RGPD2: variants seen among roughly 807,000 people sequenced by gnomAD.
RGPD2 encodes the protein RANBP2-like and GRIP domain-containing protein 2.
A neutral mutation model predicts 36.0 loss-of-function variants in RGPD2; 2 were observed. The observed-to-expected ratio is 0.06, with a 90% CI of 0.02 to 0.17. The LOEUF is 0.17. Ranked by LOEUF, RGPD2 falls within the 10% of genes least tolerant of loss-of-function variation. RGPD2 has a pLI of 1.00. For synonymous variants in RGPD2, 19 were observed against 163.8 expected (o/e 0.12, Z 6.75); for missense variants, 40 against 464.3 (o/e 0.09, Z 8.40).
At chr2:87,882,051 A>G in the RGPD2 span, among the ~76,000 whole-genome samples, 41 of 152,362 alleles carry the variant, frequency 2.7e-4, 1 homozygote, top group East Asian at 6.8e-3. Flanking sequence ...CCAGATGACC[A>G]TTACAAAGAC....
At chr2:87,915,361 A>ATATATATGTATATTATATATATTG in the RGPD2 span, among the ~76,000 whole-genome samples, 101 of 90,708 alleles carry the variant, frequency 1.1e-3, 1 homozygote, top group Middle Eastern at 6.2e-3. Flanking sequence ...TATATATTAT[A>ATATATATGTATATTATATATATTG]TATATATGTA....
At chr2:87,883,381 A>G in the RGPD2 span, among the ~76,000 whole-genome samples, 1 of 152,164 alleles carries the variant, frequency 6.6e-6, no homozygotes, top group African/African-American at 2.4e-5. Flanking sequence ...CAAAGCAAAA[A>G]AGCTAGACAG....
chr2:87,975,063 C>A, the RGPD2 span, among the ~76,000 whole-genome samples: 1 of 152,172 alleles, frequency 6.6e-6, no homozygotes, highest in Non-Finnish European at 1.5e-5. Flanking sequence ...TCTTATTATT[C>A]TCTGGCCACA....
chr2:87,985,506 C>T, the RGPD2 span, among the ~76,000 whole-genome samples: 1 of 151,650 alleles, frequency 6.6e-6, no homozygotes, highest in Non-Finnish European at 1.5e-5. Flanking sequence ...GTCATATATG[C>T]TTTAACATTC....
chr2:87,921,888 T>G, the RGPD2 span, among the ~76,000 whole-genome samples: 1 of 152,096 alleles, frequency 6.6e-6, no homozygotes, highest in East Asian at 1.9e-4. Context: ...TTTCTGATAT[T>G]GCCTTGGTGT....
the RGPD2 span, among the ~76,000 whole-genome samples, chr2:87,853,688 C>A: frequency 1.3e-5 from 2 of 151,118 alleles, no homozygotes; most frequent in South Asian, 2.2e-4. Context: ...TTGGTATCAT[C>A]CCAAATATAC....
At chr2:87,834,397 C>CA in the RGPD2 span, among the ~76,000 whole-genome samples, 1 of 151,912 alleles carries the variant, frequency 6.6e-6, no homozygotes, top group African/African-American at 2.4e-5. Context: ...GCCTGAGAAG[C>CA]AAGAATTAAA....
At chr2:87,937,906 G>A in the RGPD2 span, among the ~76,000 whole-genome samples, 2 of 151,710 alleles carry the variant, frequency 1.3e-5, no homozygotes, top group Admixed American at 1.3e-4. Context: ...ATTTTTGAAG[G>A]TTTACATTAC....
the RGPD2 span, among the ~76,000 whole-genome samples, chr2:87,853,043 A>G: frequency 6.6e-5 from 10 of 152,244 alleles, no homozygotes; most frequent in Non-Finnish European, 1.5e-4. Flanking sequence ...ATACTGGTTG[A>G]GTTAATGACC....
chr2:87,979,207 C>T, the RGPD2 span, among the ~76,000 whole-genome samples: 1 of 145,956 alleles, frequency 6.9e-6, no homozygotes, highest in African/African-American at 2.5e-5. Context: ...GCACTCCAGC[C>T]TGGATGACAC....
chr2:87,825,499 A>AGGCCGAGGCCGCCGCCGCCGCCC (rs1686721179), intron 1 of RGPD2, among the ~76,000 whole-genome samples, 159 bp downstream of exon 1: 1 of 43,466 alleles, frequency 2.3e-5, no homozygotes, highest in Non-Finnish European at 4.4e-5. Context: ...CGCCCGGCCG[A>AGGCCGAGGCCGCCGCCGCCGCCC]GGCCGAGGCC....
chr2:87,866,648 C>CA, the RGPD2 span, among the ~76,000 whole-genome samples: 7 of 152,384 alleles, frequency 4.6e-5, no homozygotes, highest in South Asian at 1.4e-3. Flanking sequence ...CTCCCCTTCT[C>CA]ACCCCCCTTC....
chr2:87,827,030 T>G (rs1455472339), upstream of RGPD2, among the ~76,000 whole-genome samples: 1 of 148,514 alleles, frequency 6.7e-6, no homozygotes, highest in Non-Finnish European at 1.5e-5. Flanking sequence ...ATATAGCCTC[T>G]TCCTACTAGA....
the RGPD2 span, among the ~76,000 whole-genome samples, chr2:87,876,248 G>T: frequency 7.8e-6 from 1 of 128,230 alleles, no homozygotes; most frequent in Admixed American, 8.0e-5. Flanking sequence ...TTGGTTATTT[G>T]TTGTCATCTG....
the RGPD2 span, among the ~76,000 whole-genome samples, chr2:87,984,138 C>A: frequency 6.7e-6 from 1 of 149,718 alleles, no homozygotes; most frequent in African/African-American, 2.5e-5. Flanking sequence ...TTTGAAAAAA[C>A]CATTCCCATT....
chr2:87,974,084 T>C, the RGPD2 span, among the ~76,000 whole-genome samples: 1 of 150,778 alleles, frequency 6.6e-6, no homozygotes. Flanking sequence ...TCTGAACTGA[T>C]GGCATGACCT....
At chr2:87,952,036 C>T in the RGPD2 span, among the ~76,000 whole-genome samples, 1 of 152,264 alleles carries the variant, frequency 6.6e-6, no homozygotes, top group African/African-American at 2.4e-5. Flanking sequence ...GTTGTATGCT[C>T]ACCAACAGCC....
intron 1 of RGPD2, chr2:87,825,224 G>A (rs760134069): frequency 1.5e-5 from 6 of 394,200 alleles, no homozygotes; most frequent in Middle Eastern, 6.3e-4. Flanking sequence ...ATCAACAACC[G>A]ACTAATTACC....
At chr2:87,974,649 C>A in the RGPD2 span, among the ~76,000 whole-genome samples, 1 of 152,148 alleles carries the variant, frequency 6.6e-6, no homozygotes, top group African/African-American at 2.4e-5. Context: ...CTAAGAAATA[C>A]CTCATGAATG....
Sources: gnomAD v4.1 joint callset for allele counts (sites outside exome capture counted in the v4.1 genomes callset) on GRCh38, gnomAD v4.1.1 for gene constraint, MANE v1.5 for transcripts, NCBI Gene and HGNC (gene_info 2026-07-23, HGNC 2026-07-21) for gene names.